The following BCO1 variants were observed in gnomAD, a reference collection of about 807,000 sequenced individuals.
BCO1 encodes beta-carotene oxygenase 1, also known as beta,beta-carotene 15,15'-dioxygenase.
In BCO1, 54 loss-of-function variants were observed where a neutral mutation model predicts 56.3. That is an observed-to-expected ratio of 0.96 (90% CI 0.77 to 1.20). The LOEUF (loss-of-function observed/expected upper bound fraction) is 1.20, where lower values mean the gene tolerates loss of function less well. Ranked by LOEUF, BCO1 falls within the 50% of genes most tolerant of loss-of-function variation. The pLI is 0.00. For missense variants in BCO1, 801 were observed against 690.9 expected, an observed-to-expected ratio of 1.16 and a Z score of -1.79; for synonymous variants, 318 against 266.1, an observed-to-expected ratio of 1.20 and a Z score of -1.90.
At chr16:81,253,193 G>A (rs2151931540) in intron 2 of BCO1, among the ~76,000 whole-genome samples, 1 of 152,224 alleles carries the variant, frequency 6.6e-6, no homozygotes, top group East Asian at 1.9e-4. Context: ...GGAGACTGAG[G>A]CTCGATGAGA....
rs368171040 is a variant in BCO1, at chr16:81,259,716, C to T, written c.234C>T (p.Thr78=). ...GGAGCAAATACCTGAGAAGCGATACCTACAACACCAATATTGAGGCAAACA... is the reference window on the plus strand; with the variant it reads ...GGAGCAAATACCTGAGAAGCGATACTTACAACACCAATATTGAGGCAAACA... ...YYRSKYLRSD[T]YNTNIEANRI... Residue 78 remains threonine, a synonymous_variant, in exon 3 of 11, where the codon ACC becomes ACT. Transcript: ENST00000258168. The T allele has an allele frequency of 6.2e-7, 1 of 1,614,060 alleles. No homozygotes were observed. Among genetic ancestry groups the T allele is most frequent in the Non-Finnish European group, 8.5e-7 (1 of 1,180,042 alleles).
At chr16:81,258,054 C>T (rs940740425) in intron 2 of BCO1, among the ~76,000 whole-genome samples, 4 of 152,088 alleles carry the variant, frequency 2.6e-5, no homozygotes, top group African/African-American at 9.7e-5. Context: ...CACAGTGACG[C>T]AGCCATGACC....
chr16:81,260,654 A>C (rs1906427658), intron 3 of BCO1, among the ~76,000 whole-genome samples: 2 of 152,004 alleles, frequency 1.3e-5, no homozygotes, highest in African/African-American at 4.8e-5. Context: ...GATTACAGGC[A>C]CCCACCACCA....
At chr16:81,262,911 A>G (rs1906585145) in intron 4 of BCO1, 1 of 156,878 alleles carries the variant, frequency 6.4e-6, no homozygotes, top group Non-Finnish European at 1.4e-5. Context: ...CTGGAGGTTA[A>G]AAGTCTGAAA....
At chr16:81,278,998 C>A (rs758951982) in intron 7 of BCO1, among the ~76,000 whole-genome samples, 1 of 152,124 alleles carries the variant, frequency 6.6e-6, no homozygotes, top group Non-Finnish European at 1.5e-5. Flanking sequence ...CATTTTGAGC[C>A]AGGTGTACTG....
chr16:81,270,250 C>G lies in BCO1; in HGVS notation c.935C>G (p.Ala312Gly), dbSNP rs149697391. The change falls in exon 7 of 11, where the codon GCC becomes GGC. Residue 312 changes from alanine to glycine, a missense_variant. Transcript: ENST00000258168. The stretch of plus-strand genomic sequence containing the variant: ...ATGGTGGTCTTCCATCACGTCAACG[C>G]CTACGAAGAGGACGGCTGCATCGTG... ...DAMVVFHHVN[A>G]YEEDGCIVFD... 1.0e-4 allele frequency: 162 copies of G among 1,614,180 alleles called. 1 individual carries two copies. The African/African-American group carries it at 2.0e-3, about 20-fold the overall frequency.
intron 7 of BCO1, among the ~76,000 whole-genome samples, chr16:81,277,418 T>C (rs1378441185): frequency 6.6e-6 from 1 of 152,226 alleles, no homozygotes; most frequent in Non-Finnish European, 1.5e-5. Flanking sequence ...AACTGGAATG[T>C]ACGCCTGTCT....
intron 2 of BCO1, among the ~76,000 whole-genome samples, chr16:81,247,732 G>C (rs901647061): frequency 6.6e-6 from 1 of 151,918 alleles, no homozygotes; most frequent in Non-Finnish European, 1.5e-5. Context: ...CTCCATGTTG[G>C]TCAGGCTGTT....
chr16:81,290,576 G>C lies in BCO1; in HGVS notation c.1643G>C (p.Ter548SerextTer60). The change falls in exon 11 of 11, where the codon TGA (stop) becomes TCA (serine). Residue 548 changes from the stop codon to serine (S), a stop_lost. Coordinates refer to ENST00000258168, the MANE Select transcript of BCO1 (RefSeq NM_017429.3). ...ASDCHGAPLT[*>S] ...GACTGCCACGGGGCTCCTCTGACCT[G>C]ATGGTGTTGGGGTTTGGGTAGGGGA... The C allele has an allele frequency of 1.9e-6, 3 of 1,612,084 alleles. No individual in the cohort carries two copies. The highest frequency in any genetic ancestry group is 2.5e-6 in the Non-Finnish European group (3 of 1,179,596).
intron 2 of BCO1, among the ~76,000 whole-genome samples, chr16:81,246,627 G>A (rs1042434734): frequency 6.6e-6 from 1 of 151,888 alleles, no homozygotes; most frequent in African/African-American, 2.4e-5. Flanking sequence ...AAGGCAGGCA[G>A]ATCATTCAGG....
At chr16:81,271,831 C>T (rs1907235867) in intron 7 of BCO1, among the ~76,000 whole-genome samples, 1 of 150,206 alleles carries the variant, frequency 6.7e-6, no homozygotes, top group Non-Finnish European at 1.5e-5. Flanking sequence ...CTCATTGCAA[C>T]CTCTGCCTCT....
At chr16:81,281,073 G>A in intron 8 of BCO1, 111 bp downstream of exon 8, 1 of 787,780 alleles carries the variant, frequency 1.3e-6, no homozygotes, top group Non-Finnish European at 2.2e-6. Context: ...GGGCCAAAAA[G>A]GAAAGGGTCT....
intron 1 of BCO1, among the ~76,000 whole-genome samples, chr16:81,240,138 G>GTA (rs991374676): frequency 4.6e-5 from 7 of 151,230 alleles, no homozygotes; most frequent in South Asian, 2.1e-4. Flanking sequence ...CTATCAATCT[G>GTA]TATATATATA....
intron 7 of BCO1, among the ~76,000 whole-genome samples, chr16:81,275,506 TCAAGTGTAAGTAA>T (rs933524107): frequency 2.9e-4 from 44 of 152,378 alleles, no homozygotes; most frequent in African/African-American, 9.9e-4. Context: ...AACATTTATC[TCAAGTGTAAGTAA>T]CTTGTTCATT....
chr16:81,262,591 G>T (rs1380633235), intron 4 of BCO1: 2 of 370,174 alleles, frequency 5.4e-6, no homozygotes, highest in Non-Finnish European at 1.0e-5. Flanking sequence ...ACTTTGGGAG[G>T]TCAAGGTGGG....
intron 2 of BCO1, among the ~76,000 whole-genome samples, chr16:81,256,350 C>G (rs766963241): frequency 2.0e-5 from 3 of 152,080 alleles, no homozygotes; most frequent in Non-Finnish European, 2.9e-5. Context: ...CTGTGGCAGT[C>G]AACATATGAT....
chr16:81,255,252 A>T (rs541309908), intron 2 of BCO1, among the ~76,000 whole-genome samples: 22 of 152,308 alleles, frequency 1.4e-4, no homozygotes, highest in African/African-American at 5.3e-4. Context: ...GATCTTGGTT[A>T]AGAGGGCCAG....
At chr16:81,239,869 G>A (rs1344696950) in intron 1 of BCO1, among the ~76,000 whole-genome samples, 17 of 152,104 alleles carry the variant, frequency 1.1e-4, no homozygotes, top group Admixed American at 1.1e-3. Context: ...GGCAGTTCCT[G>A]GTTCTGGACT....
intron 7 of BCO1, among the ~76,000 whole-genome samples, chr16:81,276,951 C>T (rs1438205047): frequency 1.3e-5 from 2 of 150,830 alleles, no homozygotes; most frequent in Non-Finnish European, 2.9e-5. Context: ...CCTGTAACCT[C>T]AGCTACTCAG....
Sources: gnomAD v4.1 joint callset for allele counts (sites outside exome capture counted in the v4.1 genomes callset) on GRCh38, gnomAD v4.1.1 for gene constraint, MANE v1.5 for transcripts, NCBI Gene and HGNC (gene_info 2026-07-23, HGNC 2026-07-21) for gene names.